The following ARSG variants were observed in gnomAD, a reference collection of about 807,000 sequenced individuals.
The protein encoded by ARSG is arylsulfatase G, also known as ASG.
ARSG carries 37 observed loss-of-function variants against 50.5 expected under a neutral mutation model. The ratio of observed to expected loss-of-function variants is 0.73; its 90% CI spans 0.56 to 0.96. The LOEUF is 0.96. Among genes scored for constraint, ARSG ranks in the 50% least tolerant of loss-of-function variants. The pLI, the probability that ARSG is intolerant of heterozygous loss-of-function variation, is 0.00. For missense variants in ARSG, 629 were observed against 675.3 expected, an observed-to-expected ratio of 0.93 and a Z score of 0.76; for synonymous variants, 225 against 254.6, an observed-to-expected ratio of 0.88 and a Z score of 1.11.
chr17:68,395,529 C>T (rs986864473), intron 10 of ARSG, among the ~76,000 whole-genome samples: 6 of 152,160 alleles, frequency 3.9e-5, no homozygotes, highest in Admixed American at 6.5e-5. Flanking sequence ...CAGAGGTTGC[C>T]GCCAGCAAGT....
intron 2 of ARSG, among the ~76,000 whole-genome samples, chr17:68,330,943 TCTTTTCTTTA>T (rs1159723152): frequency 5.4e-4 from 80 of 148,732 alleles, no homozygotes; most frequent in African/African-American, 1.9e-3. Flanking sequence ...TTTACCTTTT[TCTTTTCTTTA>T]CTTTTCTTTA....
intron 2 of ARSG, among the ~76,000 whole-genome samples, chr17:68,323,036 GCTCT>G (rs58760851): frequency 3.6e-4 from 53 of 147,522 alleles, no homozygotes; most frequent in African/African-American, 1.3e-3. Context: ...ATAAGAGAGG[GCTCT>G]CTCTCTCTCT....
chr17:68,356,625 A>G (rs2079043359), intron 5 of ARSG, 42 bp from the exon 6 acceptor site: 1 of 1,611,164 alleles, frequency 6.2e-7, no homozygotes, highest in East Asian at 2.2e-5. Context: ...CTCCGTGAGT[A>G]CGTAGGAAAT....
At chr17:68,396,613 T>C in intron 10 of ARSG, among the ~76,000 whole-genome samples, 1 of 152,134 alleles carries the variant, frequency 6.6e-6, no homozygotes, top group East Asian at 1.9e-4. Flanking sequence ...ATTTGTGTCT[T>C]TGCTAAGGGT....
the ARSG span, chr17:68,433,621 G>A: frequency 3.3e-6 from 5 of 1,498,372 alleles, no homozygotes; most frequent in Non-Finnish European, 4.6e-6. Flanking sequence ...AGAAATGGGA[G>A]TTATGGCCTT....
chr17:68,441,660 C>T, the ARSG span, among the ~76,000 whole-genome samples: 4 of 152,144 alleles, frequency 2.6e-5, no homozygotes, highest in Non-Finnish European at 4.4e-5. Flanking sequence ...GAGAGGGCTG[C>T]GGAGTGAGTC....
Position 68,307,695 on chromosome 17 carries a change from G to A in ARSG, c.202G>A (p.Ala68Thr), listed in dbSNP as rs1461827448. The A allele has an allele frequency of 6.3e-7, 1 of 1,583,762 alleles. No individual in the cohort carries two copies. The highest frequency in any genetic ancestry group is 8.7e-7 in the Non-Finnish European group (1 of 1,152,692). Reference protein sequence around the residue: ...TKDTANLDKMASEGMRFVDFH... With the variant: ...TKDTANLDKMTSEGMRFVDFH... The stretch of plus-strand genomic sequence containing the variant: ...GGACACTGCCAACCTTGATAAGATG[G>A]CTTCGGAGGGAATGAGGTGAGTCTT... The change falls in exon 2 of 12, where the codon GCT becomes ACT. Residue 68 changes from alanine (A) to threonine (T), a missense_variant. By Grantham distance (58) the Ala-to-Thr change is moderately conservative (BLOSUM62 0). Transcript: ENST00000621439.
intron 2 of ARSG, among the ~76,000 whole-genome samples, chr17:68,338,738 TA>T (rs756166732): frequency 2.0e-5 from 3 of 152,198 alleles, no homozygotes; most frequent in Non-Finnish European, 2.9e-5. Flanking sequence ...TTAATGCCAT[TA>T]AATGACTTAG....
chr17:68,426,235 T>TGGGGGGG, downstream of ARSG: 1 of 652,388 alleles, frequency 1.5e-6, no homozygotes, highest in Non-Finnish European at 2.2e-6. Context: ...TGCCATGACC[T>TGGGGGGG]GGCGGGTGGG....
chr17:68,300,704 A>G (rs1428514345), intron 1 of ARSG, among the ~76,000 whole-genome samples: 1 of 152,130 alleles, frequency 6.6e-6, no homozygotes, highest in Non-Finnish European at 1.5e-5. Context: ...CTCCTGCAAC[A>G]TGGCTTTCTT....
In ARSG at chr17:68,408,604, A is replaced by T. The variant is rs62085902; in HGVS notation, c.1303+7154A>T. On this transcript the variant is annotated intron_variant, in intron 11 of 11. Transcript: ENST00000621439. Reference sequence around the variant, plus strand: ...AAACATACGTGTGCATGTGTCTTTAAAGCAGCATGATTTATAGTCCTTTGG... The same window carrying T: ...AAACATACGTGTGCATGTGTCTTTATAGCAGCATGATTTATAGTCCTTTGG... 4.2e-3 allele frequency among the ~76,000 whole-genome samples: 637 copies of T among 152,144 alleles called. 7 individuals carry two copies. The highest frequency in any genetic ancestry group is 0.015 in the African/African-American group (610 of 41,484).
At chr17:68,426,254 G>GGGGGGGGGGGC, downstream of ARSG, 3 of 816,924 alleles carry the variant, frequency 3.7e-6, 1 homozygote, top group South Asian at 2.7e-5. Context: ...GGGAGCGGGG[G>GGGGGGGGGGGC]CTCAAATAAA....
At chr17:68,290,505 T>C (rs1339821716), upstream of ARSG, among the ~76,000 whole-genome samples, 1 of 152,136 alleles carries the variant, frequency 6.6e-6, no homozygotes, top group Non-Finnish European at 1.5e-5. Flanking sequence ...ACAGTCCAGG[T>C]GGAGGACCCG....
At chr17:68,421,704 C>T (rs2082786236), downstream of ARSG, 1 of 1,608,876 alleles carries the variant, frequency 6.2e-7, no homozygotes, top group Non-Finnish European at 8.5e-7. Flanking sequence ...CTCCATTCTT[C>T]CGCCTTCCTT....
intron 10 of ARSG, chr17:68,400,987 T>A: frequency 5.9e-6 from 1 of 170,250 alleles, no homozygotes; most frequent in Non-Finnish European, 1.3e-5. Context: ...GACAGTAATA[T>A]GTTCCAGGGA....
At chr17:68,426,993 C>G (rs1422652399), downstream of ARSG, 2 of 684,914 alleles carry the variant, frequency 2.9e-6, no homozygotes, top group Non-Finnish European at 5.0e-6. Context: ...ACTCCACCCC[C>G]AGGTAACAGT....
the ARSG span, among the ~76,000 whole-genome samples, chr17:68,439,052 G>C: frequency 6.6e-6 from 1 of 152,160 alleles, no homozygotes; most frequent in Non-Finnish European, 1.5e-5. Context: ...ATGTAAAATG[G>C]GGCAGTGCTC....
At chr17:68,386,181 C>T (rs1296814802) in intron 9 of ARSG, among the ~76,000 whole-genome samples, 1 of 152,184 alleles carries the variant, frequency 6.6e-6, no homozygotes, top group Non-Finnish European at 1.5e-5. Flanking sequence ...ATGACTTATC[C>T]TGGGGACTTT....
At chr17:68,384,350 T>C (rs1276046322) in intron 8 of ARSG, among the ~76,000 whole-genome samples, 1 of 152,200 alleles carries the variant, frequency 6.6e-6, no homozygotes, top group Non-Finnish European at 1.5e-5. Flanking sequence ...ATTATACTGG[T>C]GGTCACTTTT....
Sources: gnomAD v4.1 joint callset for allele counts (sites outside exome capture counted in the v4.1 genomes callset) on GRCh38, gnomAD v4.1.1 for gene constraint, MANE v1.5 for transcripts, NCBI Gene and HGNC (gene_info 2026-07-23, HGNC 2026-07-21) for gene names.